CPT1B: variants seen among roughly 807,000 people sequenced by gnomAD.
The protein encoded by CPT1B is carnitine palmitoyltransferase 1B, also known as carnitine O-palmitoyltransferase 1, muscle isoform.
Under a neutral mutation model 92.7 loss-of-function variants are expected in CPT1B, and 57 were observed. The ratio of observed to expected loss-of-function variants is 0.62; its 90% CI spans 0.50 to 0.77. The LOEUF is 0.77. CPT1B is among the 30% of genes least tolerant of loss of function. The probability of loss-of-function intolerance (pLI) is 0.00; values close to 1 mark genes in which losing one functional copy is unlikely to be tolerated. For synonymous variants in CPT1B, 398 were observed against 383.5 expected, an observed-to-expected ratio of 1.04 and a Z score of -0.44; for missense variants, 983 against 1,017.4, an observed-to-expected ratio of 0.97 and a Z score of 0.46.
In CPT1B at chr22:50,570,969, C is replaced by T. The variant is rs369404452; in HGVS notation, c.1950G>A (p.Gly650=). The T allele has an allele frequency of 1.2e-4, 197 of 1,613,890 alleles. 2 individuals are homozygous for T. The highest frequency in any genetic ancestry group is 5.2e-4 in the South Asian group (47 of 91,090). Residue 650 remains glycine, a synonymous_variant, in exon 16 of 20, where the codon GGG becomes GGA. Coordinates refer to ENST00000312108, the MANE Select transcript of CPT1B (RefSeq NM_152246.3). ...HQNMYRLAMT[G]AGIDRHLFCL... Reference sequence around the variant, plus strand: ...AGAAGAGGTGCCTGTCGATCCCTGCCCCGGTCATGGCCAGGCGGTACATAT... The same window carrying T: ...AGAAGAGGTGCCTGTCGATCCCTGCTCCGGTCATGGCCAGGCGGTACATAT...
chr22:50,569,332 C>T lies in CPT1B; in HGVS notation c.*2+4G>A, dbSNP rs1283516854. 3 of 1,613,784 alleles carry T rather than the reference C, an allele frequency of 1.9e-6. No individual in the cohort carries two copies. Among genetic ancestry groups the T allele is most frequent in the Non-Finnish European group, 2.5e-6 (3 of 1,179,810 alleles). On this transcript the variant is annotated splice_donor_region_variant and intron_variant, in intron 19 of 19. Transcript: ENST00000312108. Reference sequence around the variant, plus strand: ...GACGAAAGGGCAGCTGGCATTTCTCCAACCTTCAGCTGTAGGCCTTGGGAA... The same window carrying T: ...GACGAAAGGGCAGCTGGCATTTCTCTAACCTTCAGCTGTAGGCCTTGGGAA...
Position 50,571,506 on chromosome 22 carries a change from C to T in CPT1B, c.1609G>A (p.Ala537Thr). Residue 537 changes from alanine (A) to threonine (T), a missense_variant, in exon 14 of 20, where the codon GCC (alanine) becomes ACC (threonine). Transcript: ENST00000312108. ...TCCACGTCGTCTGCCAACGCCTTGG[C>T]CACCTGGTAGGAACTCTCGATGACC... ...QAVIESSYQVAKALADDVELY... is the reference protein window; with the variant it reads ...QAVIESSYQVTKALADDVELY... 6.2e-7 allele frequency: 1 copy of T among 1,613,344 alleles called. No individual in the cohort carries two copies. Among genetic ancestry groups the T allele is most frequent in the Admixed American group, 1.7e-5 (1 of 60,020 alleles).
intron 4 of CPT1B, 48 bp downstream of exon 4, chr22:50,576,809 A>G (rs746918374): frequency 7.5e-6 from 12 of 1,609,444 alleles, no homozygotes; most frequent in Non-Finnish European, 1.7e-6. Flanking sequence ...AAGGAGTCCA[A>G]AGAGTCTCAA....
chr22:50,571,316 C>T, intron 14 of CPT1B, 24 bp from the exon 15 acceptor site: 1 of 1,613,692 alleles, frequency 6.2e-7, no homozygotes, highest in Non-Finnish European at 8.5e-7. Flanking sequence ...AGGGGTGAAT[C>T]TGGCAGGTGG....
intron 7 of CPT1B, 184 bp from the exon 8 acceptor site, chr22:50,574,784 C>T: frequency 1.7e-6 from 1 of 591,724 alleles, no homozygotes; most frequent in East Asian, 2.8e-5. Flanking sequence ...CCCTCTGCTC[C>T]AGCTTCAGCC....
In CPT1B at chr22:50,576,300, C is replaced by A. The variant is rs990380673; in HGVS notation, c.597G>T (p.Glu199Asp). ...LESVRPLLDD[E>D]EYYRMELLAK... ...CCAGCAACTCCATGCGGTAATATTC[C>A]TCATCATCCAACAAGGGGCGCACAG... The change falls in exon 6 of 20, where the codon GAG (glutamate) becomes GAT (aspartate). Residue 199 changes from glutamate (E) to aspartate (D), a missense_variant. By Grantham distance (45) the Glu-to-Asp change is conservative. Coordinates refer to ENST00000312108, the MANE Select transcript of CPT1B (RefSeq NM_152246.3). The A allele has an allele frequency of 1.9e-6, 3 of 1,614,064 alleles. No individual in the cohort carries two copies. In the South Asian group the frequency reaches 3.3e-5, roughly 18 times the overall value.
At position 50,572,111 on chromosome 22, in the gene CPT1B, G is replaced by T; in HGVS notation, c.1470C>A (p.Gly490=). The part of the protein sequence containing the change: ...IIGHLWEFVL[G]TDSFHLGYTE... ...TGTAGCCCAGGTGGAAGCTGTCTGT[G>T]CCCAGGACAAACTGCAGGGAGAGGA... Residue 490 remains glycine, a synonymous_variant, in exon 13 of 20, where the codon GGC becomes GGA. Transcript: ENST00000312108. 6.2e-7 allele frequency: 1 copy of T among 1,614,080 alleles called. No individual in the cohort carries two copies. Among genetic ancestry groups the T allele is most frequent in the Non-Finnish European group, 8.5e-7 (1 of 1,179,986 alleles).
chr22:50,572,137 T>C lies in CPT1B; in HGVS notation c.1459-15A>G. The C allele has an allele frequency of 6.2e-7, 1 of 1,613,604 alleles. No individual in the cohort carries two copies. Among genetic ancestry groups the C allele is most frequent in the South Asian group, 1.1e-5 (1 of 91,072 alleles). ...CCCAGGACAAACTGCAGGGAGAGGA[T>C]GAGACTGAGAGGCTGGCCTCATCCC... On this transcript the variant is annotated splice_polypyrimidine_tract_variant and intron_variant, in intron 12 of 19. Coordinates refer to ENST00000312108, the MANE Select transcript of CPT1B (RefSeq NM_152246.3).
intron 14 of CPT1B, 28 bp downstream of exon 14, chr22:50,571,347 T>C (rs756265877): frequency 1.9e-6 from 3 of 1,613,746 alleles, no homozygotes; most frequent in South Asian, 2.2e-5. Context: ...CACCCTGCCC[T>C]CTCAGCAGCG....
In CPT1B at chr22:50,571,609, G is replaced by A. The variant is rs1383374149; in HGVS notation, c.1576-70C>T. The A allele has an allele frequency of 1.1e-5, 17 of 1,536,762 alleles. No individual in the cohort carries two copies. In the Admixed American group the frequency reaches 2.3e-4, roughly 21 times the overall value. On this transcript the variant is annotated intron_variant, in intron 13 of 19. Coordinates refer to ENST00000312108, the MANE Select transcript of CPT1B (RefSeq NM_152246.3). Reference sequence around the variant, plus strand: ...GCAGGACTCTGGGTCATGTCTAGGAGGCATGACGTTTAGCTGGTGGAGAAA... The same window carrying A: ...GCAGGACTCTGGGTCATGTCTAGGAAGCATGACGTTTAGCTGGTGGAGAAA...
In CPT1B at chr22:50,571,534, C is replaced by A; in HGVS notation, c.1581G>T (p.Gln527His). ...RLQWDIPKQC[Q>H]AVIESSYQVA... ...CCTGGTAGGAACTCTCGATGACCGC[C>A]TGGCACTGCCAAGACATGGGAAGGG... is the stretch of plus-strand genomic sequence containing the variant. The change falls in exon 14 of 20, where the codon CAG becomes CAT. Residue 527 changes from glutamine (Q) to histidine (H), a missense_variant. Coordinates refer to ENST00000312108, the MANE Select transcript of CPT1B (RefSeq NM_152246.3). 1 of 1,611,882 alleles carries A rather than the reference C, an allele frequency of 6.2e-7. No individual in the cohort carries two copies. Among genetic ancestry groups the A allele is most frequent in the South Asian group, 1.1e-5 (1 of 91,082 alleles).
Position 50,576,287 on chromosome 22 carries a change from T to C in CPT1B, c.610A>G (p.Met204Val), listed in dbSNP as rs772844406. 6.8e-6 allele frequency: 11 copies of C among 1,613,920 alleles called. No homozygotes were observed. Among genetic ancestry groups the C allele is most frequent in the Middle Eastern group, 1.6e-4 (1 of 6,084 alleles). Residue 204 changes from methionine (M) to valine (V), a missense_variant, in exon 6 of 20, where the codon ATG (methionine) becomes GTG (valine). Transcript: ENST00000312108. Reference protein sequence around the residue: ...PLLDDEEYYRMELLAKEFQDK... With the variant: ...PLLDDEEYYRVELLAKEFQDK... ...TGGAATTCTTTGGCCAGCAACTCCATGCGGTAATATTCCTCATCATCCAAC... is the reference window on the plus strand; with the variant it reads ...TGGAATTCTTTGGCCAGCAACTCCACGCGGTAATATTCCTCATCATCCAAC...
chr22:50,576,800 A>G, intron 4 of CPT1B, 57 bp downstream of exon 4: 2 of 1,604,194 alleles, frequency 1.2e-6, no homozygotes, highest in Non-Finnish European at 1.7e-6. Flanking sequence ...AGAACCCCAA[A>G]GGAGTCCAAA....
intron 9 of CPT1B, 21 bp downstream of exon 9, chr22:50,574,314 G>A: frequency 6.3e-7 from 1 of 1,593,994 alleles, no homozygotes. Context: ...CCCACAGGTA[G>A]CAGCGAGGGG....
Position 50,570,343 on chromosome 22 carries a change from C to G in CPT1B, c.2092G>C (p.Asp698His). ...QIPQSQIRMF[D>H]PEQHPNHLGA... ...AGGTGATTGGGGTGCTGCTCTGGGTCGAACATGCGGATCTGGGATTGGGGG... is the reference window on the plus strand; with the variant it reads ...AGGTGATTGGGGTGCTGCTCTGGGTGGAACATGCGGATCTGGGATTGGGGG... The change falls in exon 17 of 20, where the codon GAC becomes CAC. Residue 698 changes from aspartate (D) to histidine (H), a missense_variant. By Grantham distance (81) the Asp-to-His change is moderately conservative. Coordinates refer to ENST00000312108, the MANE Select transcript of CPT1B (RefSeq NM_152246.3). 3 of 1,607,926 alleles carry G rather than the reference C, an allele frequency of 1.9e-6. No individual in the cohort carries two copies. Among genetic ancestry groups the G allele is most frequent in the Non-Finnish European group, 2.6e-6 (3 of 1,176,180 alleles).
At chr22:50,575,203 C>T (rs1377925542) in intron 7 of CPT1B, among the ~76,000 whole-genome samples, 3 of 152,112 alleles carry the variant, frequency 2.0e-5, no homozygotes, top group East Asian at 3.9e-4. Context: ...TTGGTAGAGA[C>T]GGGGTTTCAC....
intron 2 of CPT1B, 84 bp from the exon 3 acceptor site, chr22:50,577,547 C>A: frequency 6.4e-7 from 1 of 1,554,114 alleles, no homozygotes; most frequent in South Asian, 1.2e-5. Flanking sequence ...GGCTCCTGGT[C>A]TTGGCCTGGA....
In CPT1B at chr22:50,572,936, C is replaced by T. The variant is rs868445792; in HGVS notation, c.1291G>A (p.Glu431Lys). 8.7e-6 allele frequency: 14 copies of T among 1,613,706 alleles called. No homozygotes were observed. The highest frequency in any genetic ancestry group is 1.3e-5 in the African/African-American group (1 of 75,062). Residue 431 changes from glutamate to lysine, a missense_variant, in exon 11 of 20, where the codon GAA becomes AAA. Glu to Lys is a moderately conservative substitution (Grantham distance 56). Coordinates refer to ENST00000312108, the MANE Select transcript of CPT1B (RefSeq NM_152246.3). ...TAGAGGCTGAGGCTGGCCTCATCTT[C>T]GGGGTCATAGGAGTAGGATTCCTCA... ...LDEESYSYDPEDEASLSLYGK... is the reference protein window; with the variant it reads ...LDEESYSYDPKDEASLSLYGK...
At chr22:50,570,771 A>C (rs1403010344) in intron 16 of CPT1B, 120 bp downstream of exon 16, 2 of 1,363,974 alleles carry the variant, frequency 1.5e-6, no homozygotes, top group Non-Finnish European at 2.0e-6. Flanking sequence ...CTGGCCCAGC[A>C]CTCCAGGGAG....
Sources: allele counts gnomAD v4.1 joint callset (sites outside exome capture counted in the v4.1 genomes callset), GRCh38; gene constraint gnomAD v4.1.1; transcripts MANE v1.5; gene names NCBI Gene and HGNC (gene_info 2026-07-23, HGNC 2026-07-21).